The following PRKCA variants were observed in gnomAD, a reference collection of about 807,000 sequenced individuals.
The protein encoded by PRKCA is protein kinase C alpha, also known as protein kinase C alpha type.
PRKCA carries 27 observed loss-of-function variants against 87.0 expected under a neutral mutation model. The ratio of observed to expected loss-of-function variants is 0.31; its 90% CI spans 0.23 to 0.43. PRKCA has a LOEUF of 0.43. Ranked by LOEUF, PRKCA falls within the 20% of genes least tolerant of loss-of-function variation. The probability of loss-of-function intolerance (pLI) is 1.00; values close to 1 mark genes in which losing one functional copy is unlikely to be tolerated. For synonymous variants in PRKCA, 329 were observed against 311.1 expected, an observed-to-expected ratio of 1.06 and a Z score of -0.61; for missense variants, 518 against 852.3, an observed-to-expected ratio of 0.61 and a Z score of 4.88.
intron 5 of PRKCA, among the ~76,000 whole-genome samples, chr17:66,648,442 C>T (rs546106721): frequency 2.0e-5 from 3 of 152,174 alleles, no homozygotes; most frequent in South Asian, 4.1e-4. Context: ...GATGAAGAAA[C>T]GGAGATACAA....
chr17:66,700,069 A>G (rs1973024865), intron 8 of PRKCA, among the ~76,000 whole-genome samples: 1 of 152,242 alleles, frequency 6.6e-6, no homozygotes, highest in African/African-American at 2.4e-5. Context: ...ACAAAATACT[A>G]TCAAACCAAA....
chr17:66,490,535 G>A (rs959605696), intron 2 of PRKCA, among the ~76,000 whole-genome samples: 12 of 151,678 alleles, frequency 7.9e-5, no homozygotes, highest in African/African-American at 2.7e-4. Context: ...TAGTAGAGAC[G>A]GGGTTTCACC....
intron 3 of PRKCA, among the ~76,000 whole-genome samples, chr17:66,566,486 T>TTG (rs1968900103): frequency 6.9e-6 from 1 of 145,722 alleles, no homozygotes; most frequent in Admixed American, 6.8e-5. Flanking sequence ...TTTGGTTTTT[T>TTG]TTTTTTTTTT....
chr17:66,635,624 T>C (rs1291170537), intron 3 of PRKCA, among the ~76,000 whole-genome samples: 2 of 152,236 alleles, frequency 1.3e-5, no homozygotes, highest in African/African-American at 4.8e-5. Context: ...ATATATTTAA[T>C]GAAGAAGTAA....
chr17:66,680,449 G>A (rs1190082059), intron 5 of PRKCA, among the ~76,000 whole-genome samples: 1 of 152,150 alleles, frequency 6.6e-6, no homozygotes. Flanking sequence ...AGGAGCAGGG[G>A]TGCTCTTAGA....
chr17:66,388,721 C>T (rs911463330), intron 2 of PRKCA, among the ~76,000 whole-genome samples: 7 of 152,086 alleles, frequency 4.6e-5, no homozygotes, highest in Admixed American at 3.3e-4. Context: ...GTTCACAGGC[C>T]CTGGAGGTTT....
chr17:66,368,809 A>G (rs1908921057), intron 2 of PRKCA, among the ~76,000 whole-genome samples: 1 of 152,200 alleles, frequency 6.6e-6, no homozygotes, highest in African/African-American at 2.4e-5. Context: ...AATGTAAAGT[A>G]CTGCAATTCA....
chr17:66,799,643 ATGG>A (rs1181072588), intron 16 of PRKCA, among the ~76,000 whole-genome samples: 1 of 16,538 alleles, frequency 6.0e-5, no homozygotes, highest in Non-Finnish European at 1.1e-4. Context: ...GGTGGTGGTG[ATGG>A]TGGTGGTAGT....
At chr17:66,767,889 C>G (rs557469643) in intron 13 of PRKCA, among the ~76,000 whole-genome samples, 93 of 152,294 alleles carry the variant, frequency 6.1e-4, no homozygotes, top group African/African-American at 1.6e-3. Flanking sequence ...TGAAGGTTTG[C>G]TCCTATCATT....
intron 8 of PRKCA, among the ~76,000 whole-genome samples, chr17:66,721,524 G>A (rs1349900460): frequency 6.6e-6 from 1 of 151,914 alleles, no homozygotes; most frequent in African/African-American, 2.4e-5. Context: ...TGAGTTTTCT[G>A]GGAAAGGGGC....
rs1385071428 is a variant in PRKCA at position 66,810,103 on chromosome 17, T to A, written c.*6066T>A. 1 of 152,262 alleles carries A rather than the reference T, an allele frequency of 6.6e-6. No individual in the cohort carries two copies. The highest frequency in any genetic ancestry group is 2.4e-5 in the African/African-American group (1 of 41,476). The allele number at this position is 152,262 out of a possible 1,614,324, so 9.4% of individuals were successfully genotyped here. On this transcript the variant is annotated 3_prime_UTR_variant, in exon 17 of 17. Transcript: ENST00000413366. ...GGCTTTTCAGAAAATAGGTGTCAAG[T>A]CCACTTTATAAGAACCTTTTTTTCT...
At chr17:66,315,011 GTA>G (rs571834790) in intron 2 of PRKCA, among the ~76,000 whole-genome samples, 3 of 151,712 alleles carry the variant, frequency 2.0e-5, no homozygotes, top group Non-Finnish European at 4.4e-5. Context: ...ATATATGTGT[GTA>G]TATATATGTG....
intron 13 of PRKCA, among the ~76,000 whole-genome samples, chr17:66,756,641 G>C (rs1469342891): frequency 6.6e-6 from 1 of 152,002 alleles, no homozygotes; most frequent in Non-Finnish European, 1.5e-5. Flanking sequence ...TGATAACCAG[G>C]AGTTTTGTTT....
chr17:66,716,475 T>C (rs990526224), intron 8 of PRKCA, among the ~76,000 whole-genome samples: 1 of 152,150 alleles, frequency 6.6e-6, no homozygotes, highest in Non-Finnish European at 1.5e-5. Flanking sequence ...AAAACATTGT[T>C]GCAGATGGAA....
intron 14 of PRKCA, among the ~76,000 whole-genome samples, chr17:66,784,681 A>T (rs1361124578): frequency 6.6e-6 from 1 of 152,228 alleles, no homozygotes; most frequent in African/African-American, 2.4e-5. Flanking sequence ...GCGTGCTGTT[A>T]GGCAGGGAAG....
intron 2 of PRKCA, among the ~76,000 whole-genome samples, chr17:66,437,731 T>TTTTTTTTTTAGG (rs55779501): frequency 2.7e-4 from 3 of 11,140 alleles, no homozygotes; most frequent in African/African-American, 7.9e-4. Flanking sequence ...TTTTTTTTTT[T>TTTTTTTTTTAGG]GAGCGGGGGG....
At chr17:66,767,593 C>T (rs1002719596) in intron 13 of PRKCA, among the ~76,000 whole-genome samples, 3 of 152,182 alleles carry the variant, frequency 2.0e-5, no homozygotes, top group African/African-American at 7.2e-5. Context: ...ACAGCAATCC[C>T]TGAAATCTCA....
At chr17:66,478,243 T>C (rs1915619477) in intron 2 of PRKCA, among the ~76,000 whole-genome samples, 1 of 152,140 alleles carries the variant, frequency 6.6e-6, no homozygotes, top group Non-Finnish European at 1.5e-5. Context: ...ATCTGCTTTT[T>C]TTGTTTGTTT....
At chr17:66,344,733 A>T (rs1907253173) in intron 2 of PRKCA, among the ~76,000 whole-genome samples, 1 of 152,148 alleles carries the variant, frequency 6.6e-6, no homozygotes, top group Non-Finnish European at 1.5e-5. Context: ...GATATTGACA[A>T]GTCCTGCTGG....
Sources: allele counts gnomAD v4.1 joint callset (sites outside exome capture counted in the v4.1 genomes callset), GRCh38; gene constraint gnomAD v4.1.1; transcripts MANE v1.5; gene names NCBI Gene and HGNC (gene_info 2026-07-23, HGNC 2026-07-21).